Variants in PTPRT observed in about 807,000 individuals in gnomAD.
The protein encoded by PTPRT is receptor-type tyrosine-protein phosphatase T.
In PTPRT, 56 loss-of-function variants were observed where a neutral mutation model predicts 176.8. The ratio of observed to expected loss-of-function variants is 0.32; its 90% CI spans 0.26 to 0.40. The LOEUF is 0.40. Ranked by LOEUF, PTPRT falls within the 10% of genes least tolerant of loss-of-function variation. The probability of loss-of-function intolerance (pLI) is 1.00; values close to 1 mark genes in which losing one functional copy is unlikely to be tolerated. For synonymous variants in PTPRT, 783 were observed against 739.0 expected (o/e 1.06, Z -0.96); for missense variants, 1,540 against 1,908.2 (o/e 0.81, Z 3.60).
At chr20:42,567,869 T>A (rs953609336) in intron 7 of PTPRT, among the ~76,000 whole-genome samples, 1 of 152,168 alleles carries the variant, frequency 6.6e-6, no homozygotes, top group African/African-American at 2.4e-5. Context: ...CTGACTGTCT[T>A]AATTAGTATT....
At chr20:42,179,570 T>C (rs992145200) in intron 16 of PTPRT, among the ~76,000 whole-genome samples, 24 of 152,142 alleles carry the variant, frequency 1.6e-4, no homozygotes, top group African/African-American at 5.3e-4. Flanking sequence ...AAGTAAAAAA[T>C]ATAATGTGAT....
chr20:42,315,334 T>A (rs2057704282), intron 12 of PTPRT, among the ~76,000 whole-genome samples: 1 of 151,980 alleles, frequency 6.6e-6, no homozygotes, highest in South Asian at 2.1e-4. Context: ...AGATAGCAAA[T>A]TGATAGATAT....
downstream of PTPRT, among the ~76,000 whole-genome samples, chr20:42,070,382 T>A (rs1982272865): frequency 6.6e-6 from 1 of 151,496 alleles, no homozygotes; most frequent in Admixed American, 6.6e-5. Flanking sequence ...CAGGCTAGGA[T>A]CCACCTGGAC....
intron 16 of PTPRT, among the ~76,000 whole-genome samples, chr20:42,193,246 A>G (rs1991068569): frequency 6.6e-6 from 1 of 152,228 alleles, no homozygotes; most frequent in Non-Finnish European, 1.5e-5. Context: ...CTAAGACTCC[A>G]TATTTGAGCA....
chr20:42,242,745 T>C (rs1600719820), intron 14 of PTPRT, among the ~76,000 whole-genome samples: 1 of 152,170 alleles, frequency 6.6e-6, no homozygotes, highest in African/African-American at 2.4e-5. Flanking sequence ...TGTTTCCATA[T>C]GGGCAGGGAG....
intron 2 of PTPRT, among the ~76,000 whole-genome samples, chr20:42,867,163 T>C (rs896373754): frequency 1.3e-5 from 2 of 152,216 alleles, no homozygotes; most frequent in African/African-American, 4.8e-5. Flanking sequence ...ATATCCATTG[T>C]TGTACAAGGT....
rs181044214 is a variant in PTPRT, at chr20:42,828,289, T to C, written c.215-36823A>G. On this transcript the variant is annotated intron_variant, in intron 2 of 30. Coordinates refer to ENST00000373187, the MANE Select transcript of PTPRT (RefSeq NM_007050.6). ...ATTTTGCCCCTGCCCTAGAGATGTA[T>C]GGAACTTTGAAACTGAGAGAGATAA... is the stretch of plus-strand genomic sequence containing the variant. Among the ~76,000 whole-genome samples the C allele has an allele frequency of 1.3e-4, 20 of 152,300 alleles. No homozygotes were observed. In the South Asian group the frequency reaches 1.9e-3, roughly 14 times the overall value.
In PTPRT at chr20:42,096,764, T is replaced by TAAA. The variant is rs1568924910; in HGVS notation, c.3846+1656_3846+1657insTTT. Among the ~76,000 whole-genome samples the TAAA allele has an allele frequency of 9.5e-4, 128 of 134,870 alleles. 1 individual carries two copies. The highest frequency in any genetic ancestry group is 3.0e-3 in the African/African-American group (118 of 38,944). 88.5% of individuals were successfully genotyped at this position (134,870 alleles called of 152,430 possible). On this transcript the variant is annotated intron_variant, in intron 27 of 30. Coordinates refer to ENST00000373187, the MANE Select transcript of PTPRT (RefSeq NM_007050.6). Reference sequence around the variant, plus strand: ...ATGCCTGGCTAATTAAAATTTTTTTTTTTTTTTTTTTTTTTTGTAGAGACA... The same window carrying TAAA: ...ATGCCTGGCTAATTAAAATTTTTTTTAAATTTTTTTTTTTTTTTTGTAGAGACA...
chr20:42,333,923 C>T (rs995148513), intron 11 of PTPRT, among the ~76,000 whole-genome samples: 11 of 152,128 alleles, frequency 7.2e-5, no homozygotes, highest in African/African-American at 2.7e-4. Flanking sequence ...TCAAGTGACC[C>T]GCCCACCTTG....
At chr20:42,791,593 G>GTCACCCAGACCCT in intron 2 of PTPRT, 127 bp from the exon 3 acceptor site, 1 of 1,076,262 alleles carries the variant, frequency 9.3e-7, no homozygotes, top group Non-Finnish European at 1.3e-6. Flanking sequence ...CTCTAGAAGG[G>GTCACCCAGACCCT]TCTGGGTGAC....
chr20:43,019,008 A>G (rs760490503), intron 1 of PTPRT, among the ~76,000 whole-genome samples: 4 of 152,236 alleles, frequency 2.6e-5, no homozygotes, highest in Non-Finnish European at 5.9e-5. Context: ...TACATATATC[A>G]CATGCACGTT....
Position 42,199,361 on chromosome 20 carries a change from G to C in PTPRT, c.2370C>G (p.Thr790=). 1 of 1,613,954 alleles carries C rather than the reference G, an allele frequency of 6.2e-7. No homozygotes were observed. The highest frequency in any genetic ancestry group is 1.7e-4 in the Middle Eastern group (1 of 6,060). The change falls in exon 16 of 31, where the codon ACC becomes ACG. Residue 790 remains threonine, a synonymous_variant. Transcript: ENST00000373187. ...CCATCTCCCTCTGGGCTCCACTCTGGGTCTCCTTCTGCTTCTTGGCCAGCT... is the reference window on the plus strand; with the variant it reads ...CCATCTCCCTCTGGGCTCCACTCTGCGTCTCCTTCTGCTTCTTGGCCAGCT... The part of the protein sequence containing the change: ...YLKLAKKQKE[T]QSGAQREMGP...
intron 9 of PTPRT, among the ~76,000 whole-genome samples, chr20:42,352,564 G>T (rs945118294): frequency 3.1e-4 from 47 of 152,128 alleles, no homozygotes; most frequent in African/African-American, 1.1e-3. Flanking sequence ...TAGAAGGATG[G>T]TTATCAGAGG....
At chr20:42,246,240 T>C (rs1157672545) in intron 14 of PTPRT, among the ~76,000 whole-genome samples, 2 of 152,004 alleles carry the variant, frequency 1.3e-5, no homozygotes, top group Non-Finnish European at 1.5e-5. Flanking sequence ...CAGGAAGACA[T>C]TGTAGGTTAG....
At chr20:42,510,536 G>A (rs899713717) in intron 7 of PTPRT, among the ~76,000 whole-genome samples, 2 of 151,950 alleles carry the variant, frequency 1.3e-5, no homozygotes, top group Admixed American at 1.3e-4. Flanking sequence ...GATGTGCTAT[G>A]GTGTCCAGAT....
At chr20:42,488,943 T>A (rs1361253232) in intron 7 of PTPRT, among the ~76,000 whole-genome samples, 1 of 119,466 alleles carries the variant, frequency 8.4e-6, no homozygotes, top group Admixed American at 7.9e-5. Context: ...GGAGCAAAAC[T>A]CTGTCTCAAA....
At chr20:43,080,616 G>T (rs572854622) in intron 1 of PTPRT, among the ~76,000 whole-genome samples, 3 of 152,284 alleles carry the variant, frequency 2.0e-5, no homozygotes, top group South Asian at 4.1e-4. Flanking sequence ...CCCACAGTGT[G>T]GTATTTTCAC....
intron 10 of PTPRT, 95 bp from the exon 11 acceptor site, chr20:42,350,825 A>G: frequency 1.1e-6 from 1 of 924,402 alleles, no homozygotes; most frequent in Admixed American, 1.8e-5. Context: ...CACAGCATGG[A>G]TAGAGGGAGG....
chr20:42,386,983 A>C (rs1280861481), intron 9 of PTPRT, among the ~76,000 whole-genome samples: 1 of 152,238 alleles, frequency 6.6e-6, no homozygotes. Context: ...AATTGTCTGC[A>C]TTCTGAAACC....
Sources: gnomAD v4.1 joint callset for allele counts (sites outside exome capture counted in the v4.1 genomes callset) on GRCh38, gnomAD v4.1.1 for gene constraint, MANE v1.5 for transcripts, NCBI Gene and HGNC (gene_info 2026-07-23, HGNC 2026-07-21) for gene names.